Variants in CALD1 observed in about 807,000 individuals in gnomAD.
CALD1 encodes the protein caldesmon.
Under a neutral mutation model 99.9 loss-of-function variants are expected in CALD1, and 33 were observed. The observed-to-expected ratio is 0.33, with a 90% CI of 0.25 to 0.44. The LOEUF is 0.44. Ranked by LOEUF, CALD1 falls within the 20% of genes least tolerant of loss-of-function variation. The pLI is 1.00. For synonymous variants in CALD1, 310 were observed against 325.0 expected, an observed-to-expected ratio of 0.95 and a Z score of 0.50; for missense variants, 861 against 962.1, an observed-to-expected ratio of 0.89 and a Z score of 1.39.
At position 134,933,130 on chromosome 7, in the gene CALD1, T is replaced by C; in HGVS notation, c.361T>C (p.Phe121Leu). 1.3e-6 allele frequency: 2 copies of C among 1,587,218 alleles called. No individual in the cohort carries two copies. The highest frequency in any genetic ancestry group is 1.7e-6 in the Non-Finnish European group (2 of 1,165,202). Residue 121 changes from phenylalanine (F) to leucine (L), a missense_variant, in exon 5 of 15, where the codon TTC (phenylalanine) becomes CTC (leucine). By Grantham distance (22) the Phe-to-Leu change is conservative. This residue lies in a region of CALD1 where 123 missense variants were observed against 169.8 expected (regional missense o/e 0.72). Coordinates refer to ENST00000361675, the MANE Select transcript of CALD1 (RefSeq NM_033138.4). ...GGAGGCTCTGGAGCGGCAGAAGGAG[T>C]TCGACCCAACAATAACAGATGCAAG... is the stretch of plus-strand genomic sequence containing the variant. ...LQEALERQKEFDPTITDASLS... is the reference protein window; with the variant it reads ...LQEALERQKELDPTITDASLS...
chr7:134,950,272 T>C, intron 8 of CALD1, 102 bp from the exon 9 acceptor site: 12 of 1,158,310 alleles, frequency 1.0e-5, no homozygotes, highest in Non-Finnish European at 1.5e-5. Context: ...GCCTGCGGCC[T>C]GAGTCTGCTG....
At chr7:134,816,102 T>C (rs186568796) in intron 1 of CALD1, among the ~76,000 whole-genome samples, 1 of 152,198 alleles carries the variant, frequency 6.6e-6, no homozygotes, top group Non-Finnish European at 1.5e-5. Flanking sequence ...GTTGTATAAC[T>C]TCCCTCCAGG....
the CALD1 span, among the ~76,000 whole-genome samples, chr7:134,715,645 T>G: frequency 6.6e-6 from 1 of 152,382 alleles, no homozygotes; most frequent in East Asian, 1.9e-4. Flanking sequence ...TATATATGTA[T>G]ATGTGTATGA....
At position 134,950,517 on chromosome 7, in the gene CALD1, A is replaced by G. The variant is rs1434661819; in HGVS notation, c.1935+3A>G. ...CTCCTAAAGGTTCATCTCTCAAGGT[A>G]TTTTTTTCCCCAGAAAACTTCTATT... On this transcript the variant is annotated splice_donor_region_variant and intron_variant, in intron 9 of 14. Transcript: ENST00000361675. 3.1e-6 allele frequency: 5 copies of G among 1,612,330 alleles called. No individual in the cohort carries two copies. The highest frequency in any genetic ancestry group is 1.3e-5 in the African/African-American group (1 of 74,784).
At chr7:134,780,416 G>A (rs181316106) in intron 1 of CALD1, among the ~76,000 whole-genome samples, 11 of 151,808 alleles carry the variant, frequency 7.2e-5, no homozygotes, top group Admixed American at 4.6e-4. Context: ...ACAAGAGAAT[G>A]CATGCGCTAG....
At chr7:134,760,147 C>T (rs1796763647) in intron 1 of CALD1, among the ~76,000 whole-genome samples, 1 of 151,942 alleles carries the variant, frequency 6.6e-6, no homozygotes, top group Admixed American at 6.5e-5. Flanking sequence ...AGCACAGGAG[C>T]AGTAGGAGAT....
At chr7:134,923,807 G>A (rs917355915) in intron 3 of CALD1, among the ~76,000 whole-genome samples, 4 of 152,132 alleles carry the variant, frequency 2.6e-5, no homozygotes, top group East Asian at 1.9e-4. Context: ...ACAATTTGTC[G>A]ATGATTATCA....
chr7:134,716,084 A>G, the CALD1 span, among the ~76,000 whole-genome samples: 3 of 152,194 alleles, frequency 2.0e-5, no homozygotes, highest in Non-Finnish European at 4.4e-5. Flanking sequence ...AACAGAATAT[A>G]GTGAGAATAA....
intron 1 of CALD1, among the ~76,000 whole-genome samples, chr7:134,816,333 C>T (rs770110738): frequency 1.3e-5 from 2 of 152,144 alleles, no homozygotes; most frequent in Non-Finnish European, 2.9e-5. Context: ...AATCCAAGAG[C>T]TTCACAGTTT....
chr7:134,780,924 G>A (rs1377295), intron 1 of CALD1, among the ~76,000 whole-genome samples: 3,003 of 152,308 alleles, frequency 0.02, 45 homozygotes, highest in Non-Finnish European at 0.032. Context: ...AAGACTACCA[G>A]CTGCAAATGA....
intron 3 of CALD1, chr7:134,891,605 C>G (rs1217629375): frequency 6.2e-7 from 1 of 1,606,378 alleles, no homozygotes; most frequent in South Asian, 1.1e-5. Flanking sequence ...CCCGCCGCCC[C>G]TTCCCAACTG....
intron 7 of CALD1, among the ~76,000 whole-genome samples, chr7:134,946,424 C>T (rs187018786): frequency 2.4e-3 from 363 of 152,268 alleles, no homozygotes; most frequent in Non-Finnish European, 3.4e-3. Flanking sequence ...ATCTCCAAAA[C>T]TCTTTTCATC....
chr7:134,775,656 A>G (rs1796912752), upstream of CALD1, among the ~76,000 whole-genome samples: 4 of 151,804 alleles, frequency 2.6e-5, no homozygotes, highest in Admixed American at 2.6e-4. Context: ...GCTTGCAGTG[A>G]GCTGAGATCG....
At chr7:134,773,621 A>G (rs763649869) in intron 1 of CALD1, among the ~76,000 whole-genome samples, 9 of 152,250 alleles carry the variant, frequency 5.9e-5, no homozygotes, top group Admixed American at 2.6e-4. Context: ...AATTTCTGCC[A>G]TCATACTTTT....
chr7:134,939,965 T>TA (rs61100207), intron 6 of CALD1, among the ~76,000 whole-genome samples: 2,004 of 146,976 alleles, frequency 0.014, 28 homozygotes, highest in African/African-American at 0.032. Flanking sequence ...CTCTGTCTCT[T>TA]AAAAAAAAAA....
chr7:134,711,660 C>CTCTCTCTATA, the CALD1 span, among the ~76,000 whole-genome samples: 156 of 78,258 alleles, frequency 2.0e-3, 2 homozygotes, highest in African/African-American at 5.3e-3. Context: ...CTCTCTCTCT[C>CTCTCTCTATA]TATATATATA....
chr7:134,721,574 C>T, the CALD1 span, among the ~76,000 whole-genome samples: 1,010 of 151,774 alleles, frequency 6.7e-3, 51 homozygotes, highest in East Asian at 0.13. Flanking sequence ...AATACAACCC[C>T]ATGGCTGTGT....
intron 3 of CALD1, among the ~76,000 whole-genome samples, chr7:134,907,759 C>G (rs76309194): frequency 0.018 from 2,703 of 152,220 alleles, 69 homozygotes; most frequent in African/African-American, 0.062. Context: ...AGTCCCCCCC[C>G]GCCTTTTCAT....
the CALD1 span, among the ~76,000 whole-genome samples, chr7:134,735,462 A>G: frequency 6.6e-6 from 1 of 152,046 alleles, no homozygotes; most frequent in Non-Finnish European, 1.5e-5. Flanking sequence ...TATGCGTACA[A>G]TCTGGTGAGT....
Sources: gnomAD v4.1 joint callset for allele counts (sites outside exome capture counted in the v4.1 genomes callset) on GRCh38, gnomAD v4.1.1 for gene constraint, gnomAD v4.1.1 regional missense constraint, MANE v1.5 for transcripts, NCBI Gene and HGNC (gene_info 2026-07-23, HGNC 2026-07-21) for gene names.